The following CNTLN variants were observed in gnomAD, a reference collection of about 807,000 sequenced individuals.
CNTLN encodes centlein, centrosomal protein.
Under a neutral mutation model 180.0 loss-of-function variants are expected in CNTLN, and 212 were observed. The observed-to-expected ratio is 1.18, with a 90% CI of 1.05 to 1.32. The LOEUF is 1.32. Ranked by LOEUF, CNTLN falls within the 40% of genes most tolerant of loss-of-function variation. The pLI is 0.00. For synonymous variants in CNTLN, 722 were observed against 563.1 expected (o/e 1.28, Z -3.99); for missense variants, 2,095 against 1,610.9 (o/e 1.30, Z -5.14).
intron 7 of CNTLN, chr9:17,299,403 G>C (rs1267413938): frequency 1.8e-5 from 17 of 942,650 alleles, no homozygotes; most frequent in Non-Finnish European, 2.0e-5. Context: ...ATAATACACA[G>C]TTCATATTAT....
At chr9:17,180,609 T>G (rs1821065334) in intron 2 of CNTLN, among the ~76,000 whole-genome samples, 1 of 151,994 alleles carries the variant, frequency 6.6e-6, no homozygotes, top group Admixed American at 6.6e-5. Flanking sequence ...GTTGTATTTA[T>G]GCAGATTTTT....
rs1235961881 is a variant in CNTLN at position 17,502,548 on chromosome 9, C to T, written c.4120-3C>T. On this transcript the variant is annotated splice_region_variant and splice_polypyrimidine_tract_variant and intron_variant, in intron 25 of 25. Transcript: ENST00000380647. ...AATAATCTTTTTTGTGTTTCTTTTA[C>T]AGCTTCCTTTTGCCTCATATTTACT... is the stretch of plus-strand genomic sequence containing the variant. 2.3e-6 allele frequency: 3 copies of T among 1,309,430 alleles called. No homozygotes were observed. Among genetic ancestry groups the T allele is most frequent in the Non-Finnish European group, 2.1e-6 (2 of 945,904 alleles). The allele number at this position is 1,309,430 out of a possible 1,614,324, so 81.1% of individuals were successfully genotyped here.
At chr9:17,268,625 C>A (rs1424985753) in intron 5 of CNTLN, among the ~76,000 whole-genome samples, 1 of 152,138 alleles carries the variant, frequency 6.6e-6, no homozygotes, top group African/African-American at 2.4e-5. Context: ...TTTGTCTGTG[C>A]CCTGCCCCCA....
At chr9:17,233,245 A>G (rs768587754) in intron 3 of CNTLN, among the ~76,000 whole-genome samples, 3 of 152,100 alleles carry the variant, frequency 2.0e-5, no homozygotes, top group African/African-American at 4.8e-5. Context: ...TAAGTTTCGT[A>G]TAAGTTATTT....
intron 7 of CNTLN, among the ~76,000 whole-genome samples, chr9:17,304,826 A>G (rs1395523379): frequency 6.6e-6 from 1 of 152,136 alleles, no homozygotes; most frequent in Admixed American, 6.5e-5. Context: ...TAATCCGGAG[A>G]TGGTTTAAAG....
At chr9:17,214,600 C>T (rs543579141) in intron 2 of CNTLN, among the ~76,000 whole-genome samples, 2 of 152,274 alleles carry the variant, frequency 1.3e-5, no homozygotes, top group African/African-American at 4.8e-5. Context: ...GAATGTTGGC[C>T]TGCCTCACTA....
the CNTLN span, among the ~76,000 whole-genome samples, chr9:17,526,975 C>T: frequency 1.8e-4 from 28 of 152,134 alleles, no homozygotes; most frequent in African/African-American, 6.7e-4. Context: ...CCTCCTGGGT[C>T]CAAGTGATTC....
chr9:17,200,009 T>C (rs573636395), intron 2 of CNTLN, among the ~76,000 whole-genome samples: 1 of 152,338 alleles, frequency 6.6e-6, no homozygotes, highest in African/African-American at 2.4e-5. Flanking sequence ...TGAGTTAATT[T>C]TTATATAAAG....
intron 15 of CNTLN, among the ~76,000 whole-genome samples, chr9:17,398,566 C>T (rs1826715646): frequency 6.6e-6 from 1 of 152,178 alleles, no homozygotes; most frequent in Non-Finnish European, 1.5e-5. Context: ...TCAGCAAGCT[C>T]GTTCTGTGCA....
intron 2 of CNTLN, chr9:17,167,442 T>G (rs1820146150): frequency 6.6e-6 from 1 of 152,284 alleles, no homozygotes; most frequent in Non-Finnish European, 1.5e-5. Flanking sequence ...GACCAAAAGG[T>G]CAGCATAAAT....
Position 17,502,602 on chromosome 9 carries a change from A to G in CNTLN, c.4171A>G (p.Lys1391Glu). 7.0e-7 allele frequency: 1 copy of G among 1,421,002 alleles called. No homozygotes were observed. Among genetic ancestry groups the G allele is most frequent in the Non-Finnish European group, 9.6e-7 (1 of 1,039,438 alleles). The allele number at this position is 1,421,002 out of a possible 1,614,324, so 88.0% of individuals were successfully genotyped here. A position where few individuals can be genotyped will look rare whatever the true frequency, so the allele number is the denominator to read the frequency against. ...LEAVLEKINEKKKLVEGYFTI... is the reference protein window; with the variant it reads ...LEAVLEKINEEKKLVEGYFTI... ...AGCAGTACTGGAAAAAATAAATGAA[A>G]AAAAGAAACTAGTTGAAGGATATTT... Residue 1391 changes from lysine (K) to glutamate (E), a missense_variant, in exon 26 of 26, where the codon AAA (lysine) becomes GAA (glutamate). Lys to Glu is a moderately conservative substitution (Grantham distance 56). Transcript: ENST00000380647.
At chr9:17,437,689 A>G (rs1023761327) in intron 18 of CNTLN, among the ~76,000 whole-genome samples, 20 of 152,230 alleles carry the variant, frequency 1.3e-4, no homozygotes, top group African/African-American at 4.6e-4. Flanking sequence ...TACCTAACAC[A>G]TGTAAAGCGC....
chr9:17,318,969 A>G (rs1218032733), intron 8 of CNTLN, among the ~76,000 whole-genome samples: 2 of 152,320 alleles, frequency 1.3e-5, no homozygotes, highest in Non-Finnish European at 1.5e-5. Context: ...AACACCATTT[A>G]TGTTTCTATG....
intron 23 of CNTLN, among the ~76,000 whole-genome samples, chr9:17,473,836 A>T (rs1428552953): frequency 6.6e-6 from 1 of 152,176 alleles, no homozygotes; most frequent in African/African-American, 2.4e-5. Context: ...ATCTGTGATC[A>T]GTTCTCAGTT....
chr9:17,293,050 G>A (rs1192507460), intron 6 of CNTLN, among the ~76,000 whole-genome samples: 1 of 152,166 alleles, frequency 6.6e-6, no homozygotes, highest in East Asian at 1.9e-4. Context: ...GTTTGCTGGG[G>A]GTCACTCCAG....
chr9:17,297,363 T>C (rs1232754531), intron 6 of CNTLN, among the ~76,000 whole-genome samples: 1 of 152,204 alleles, frequency 6.6e-6, no homozygotes, highest in East Asian at 1.9e-4. Context: ...CCATAGATAA[T>C]AAGAGACTAC....
chr9:17,404,809 C>T (rs1327468639), intron 15 of CNTLN, among the ~76,000 whole-genome samples: 1 of 146,810 alleles, frequency 6.8e-6, no homozygotes, highest in Non-Finnish European at 1.5e-5. Context: ...GCGATCTTGG[C>T]TCACTGCAGG....
rs35649274 is a variant in CNTLN, at chr9:17,390,256, T to TTC, written c.2079+2003_2079+2004insTC. ...GCCTCTTTTTTTTTTTTTTTTTTTTTGGAGACAGAGTCTTGCTCTGTCACC... is the reference window on the plus strand; with the variant it reads ...GCCTCTTTTTTTTTTTTTTTTTTTTTTCGGAGACAGAGTCTTGCTCTGTCACC... On this transcript the variant is annotated intron_variant, in intron 14 of 25. Coordinates refer to ENST00000380647, the MANE Select transcript of CNTLN (RefSeq NM_017738.4). 1.0e-3 allele frequency among the ~76,000 whole-genome samples: 152 copies of TTC among 147,256 alleles called. 1 individual carries two copies. The highest frequency in any genetic ancestry group is 3.7e-3 in the African/African-American group (148 of 39,530).
At chr9:17,280,731 A>C (rs1208398032) in intron 6 of CNTLN, among the ~76,000 whole-genome samples, 1 of 152,186 alleles carries the variant, frequency 6.6e-6, no homozygotes, top group Non-Finnish European at 1.5e-5. Flanking sequence ...AAGATAATTT[A>C]TCTCTCTGGT....
Sources: allele counts gnomAD v4.1 joint callset (sites outside exome capture counted in the v4.1 genomes callset), GRCh38; gene constraint gnomAD v4.1.1; transcripts MANE v1.5; gene names NCBI Gene and HGNC (gene_info 2026-07-23, HGNC 2026-07-21).